The following ADGRL3 variants were observed in gnomAD, a reference collection of about 807,000 sequenced individuals.
The protein encoded by ADGRL3 is calcium-independent alpha-latrotoxin receptor 3.
Under a neutral mutation model 153.5 loss-of-function variants are expected in ADGRL3, and 62 were observed. That is an observed-to-expected ratio of 0.40 (90% CI 0.33 to 0.50). The LOEUF is 0.50. ADGRL3 is among the 20% of genes least tolerant of loss of function. The pLI is 0.47. For synonymous variants in ADGRL3, 710 were observed against 672.5 expected, an observed-to-expected ratio of 1.06 and a Z score of -0.86; for missense variants, 1,641 against 1,859.4, an observed-to-expected ratio of 0.88 and a Z score of 2.16.
At chr4:61,668,608 G>A (rs1374107999) in intron 5 of ADGRL3, among the ~76,000 whole-genome samples, 1 of 152,102 alleles carries the variant, frequency 6.6e-6, no homozygotes, top group Non-Finnish European at 1.5e-5. Context: ...TGAAAGAATT[G>A]GAGCTAGAGA....
chr4:62,055,539 G>A (rs1035347635), intron 25 of ADGRL3, among the ~76,000 whole-genome samples: 4 of 151,668 alleles, frequency 2.6e-5, no homozygotes, highest in African/African-American at 4.8e-5. Context: ...AGTTCTTAGC[G>A]TTCAGTAAAA....
chr4:61,400,584 C>G (rs1037218887), intron 2 of ADGRL3, among the ~76,000 whole-genome samples: 13 of 151,636 alleles, frequency 8.6e-5, no homozygotes, highest in Non-Finnish European at 1.8e-4. Flanking sequence ...CCTTCCAAAC[C>G]AGTTATTGTG....
At chr4:61,363,846 G>GT in intron 1 of ADGRL3, among the ~76,000 whole-genome samples, 1 of 152,060 alleles carries the variant, frequency 6.6e-6, no homozygotes, top group Admixed American at 6.6e-5. Context: ...AGTACTTTAA[G>GT]TAAGTTCATG....
chr4:61,479,311 G>C (rs920482485), intron 2 of ADGRL3, among the ~76,000 whole-genome samples: 2 of 152,038 alleles, frequency 1.3e-5, no homozygotes, highest in Non-Finnish European at 2.9e-5. Flanking sequence ...TTAGATGTAT[G>C]TAATGTTTAA....
chr4:61,882,266 C>G (rs564968111), intron 9 of ADGRL3, among the ~76,000 whole-genome samples: 1 of 152,240 alleles, frequency 6.6e-6, no homozygotes, highest in South Asian at 2.1e-4. Flanking sequence ...TAGTTCAATT[C>G]AACCAACAAT....
chr4:61,967,802 A>T (rs142619903), intron 17 of ADGRL3, among the ~76,000 whole-genome samples: 1 of 152,318 alleles, frequency 6.6e-6, no homozygotes, highest in East Asian at 1.9e-4. Context: ...TTACCTTCTG[A>T]AATTGTGCTG....
intron 3 of ADGRL3, 55 bp downstream of exon 3, chr4:61,497,403 T>A: frequency 5.3e-6 from 6 of 1,122,684 alleles, no homozygotes; most frequent in Non-Finnish European, 7.8e-6. Flanking sequence ...TTATTCATAC[T>A]GGACACTTCC....
intron 9 of ADGRL3, among the ~76,000 whole-genome samples, chr4:61,815,890 T>C (rs2097683258): frequency 6.6e-6 from 1 of 152,196 alleles, no homozygotes; most frequent in Non-Finnish European, 1.5e-5. Flanking sequence ...CCCCTGACGA[T>C]GGGCTTCTCA....
At chr4:61,778,022 A>C (rs1415916334) in intron 8 of ADGRL3, among the ~76,000 whole-genome samples, 1 of 152,170 alleles carries the variant, frequency 6.6e-6, no homozygotes, top group Non-Finnish European at 1.5e-5. Context: ...AAAATCTAAA[A>C]CTTTTTGAGT....
intron 9 of ADGRL3, among the ~76,000 whole-genome samples, chr4:61,892,271 C>T (rs931216947): frequency 6.7e-6 from 1 of 148,750 alleles, no homozygotes; most frequent in African/African-American, 2.5e-5. Flanking sequence ...ATATATAGTT[C>T]TCCCTTCTAT....
chr4:61,933,811 A>G (rs1224897480), intron 13 of ADGRL3: 3 of 152,170 alleles, frequency 2.0e-5, no homozygotes, highest in Non-Finnish European at 2.9e-5. Context: ...CCCTCGGCCA[A>G]TGTGTCAATA....
At chr4:61,819,488 T>C (rs1463449136) in intron 9 of ADGRL3, among the ~76,000 whole-genome samples, 3 of 152,136 alleles carry the variant, frequency 2.0e-5, no homozygotes, top group Admixed American at 6.5e-5. Context: ...TCTTTTTCTT[T>C]CTCTTCCTGA....
Position 61,733,509 on chromosome 4 carries a change from G to A in ADGRL3, c.1354G>A (p.Val452Ile), listed in dbSNP as rs190817915. The A allele has an allele frequency of 1.6e-4, 253 of 1,613,506 alleles. 1 individual carries two copies. The highest frequency in any genetic ancestry group is 1.7e-4 in the Middle Eastern group (1 of 6,060). ...ACTTTATGTATGGAATAACTATCACGTCGTGAAATATTCTTTGGATTTTGG... is the reference window on the plus strand; with the variant it reads ...ACTTTATGTATGGAATAACTATCACATCGTGAAATATTCTTTGGATTTTGG... Reference protein sequence around the residue: ...NLLYVWNNYHVVKYSLDFGPL... With the variant: ...NLLYVWNNYHIVKYSLDFGPL... Residue 452 changes from valine to isoleucine, a missense_variant, in exon 8 of 27, where the codon GTC becomes ATC. Val to Ile is a conservative substitution (Grantham distance 29, BLOSUM62 3). Coordinates refer to ENST00000683033, the MANE Select transcript of ADGRL3 (RefSeq NM_001387552.1).
chr4:61,601,374 A>G (rs2099010902), intron 5 of ADGRL3, among the ~76,000 whole-genome samples: 2 of 152,192 alleles, frequency 1.3e-5, no homozygotes, highest in African/African-American at 4.8e-5. Context: ...TAATTTTAGT[A>G]ACTATAAAAA....
intron 17 of ADGRL3, among the ~76,000 whole-genome samples, chr4:61,973,553 C>G (rs764006705): frequency 6.6e-6 from 1 of 152,036 alleles, no homozygotes; most frequent in African/African-American, 2.4e-5. Context: ...ATAAAAATTT[C>G]TTTCTAGAGA....
At chr4:61,998,306 AT>A in intron 21 of ADGRL3, 41 bp downstream of exon 21, 1 of 1,024,310 alleles carries the variant, frequency 9.8e-7, no homozygotes, top group Non-Finnish European at 1.4e-6. Flanking sequence ...GTTGTGTTAC[AT>A]TTATACTCCA....
chr4:61,263,858 T>C (rs2092694484), intron 1 of ADGRL3, among the ~76,000 whole-genome samples: 2 of 151,928 alleles, frequency 1.3e-5, no homozygotes, highest in South Asian at 4.1e-4. Context: ...TTCATGGTTA[T>C]AGATAAAATA....
chr4:61,456,941 T>G (rs187433426), intron 2 of ADGRL3, among the ~76,000 whole-genome samples: 1 of 152,192 alleles, frequency 6.6e-6, no homozygotes, highest in East Asian at 1.9e-4. Context: ...AATATCTTTT[T>G]ATACATGTTT....
In ADGRL3 at chr4:62,071,918, A is replaced by G. The variant is rs1256298183; in HGVS notation, c.*1010A>G. The G allele has an allele frequency of 3.7e-6, 1 of 271,238 alleles. No homozygotes were observed. The highest frequency in any genetic ancestry group is 7.2e-6 in the Non-Finnish European group (1 of 138,998). 16.8% of individuals were successfully genotyped at this position (271,238 alleles called of 1,614,324 possible). ...CACTATATATCTTTATGCAGTCAGA[A>G]TATTTCCAACAGTGTTTTTTGCAAA... On this transcript the variant is annotated 3_prime_UTR_variant, in exon 27 of 27. Transcript: ENST00000683033.
Sources: gnomAD v4.1 joint callset for allele counts (sites outside exome capture counted in the v4.1 genomes callset) on GRCh38, gnomAD v4.1.1 for gene constraint, MANE v1.5 for transcripts, NCBI Gene and HGNC (gene_info 2026-07-23, HGNC 2026-07-21) for gene names.